Variants in CRYL1 observed in about 807,000 individuals in gnomAD.
CRYL1 encodes the protein crystallin lambda 1, also known as lambda-crystallin homolog.
CRYL1 carries 29 observed loss-of-function variants against 36.6 expected under a neutral mutation model. The observed-to-expected ratio is 0.79, with a 90% CI of 0.59 to 1.08. The LOEUF is 1.08. Ranked by LOEUF, CRYL1 falls within the 50% of genes least tolerant of loss-of-function variation. The probability of loss-of-function intolerance (pLI) is 0.00; values close to 1 mark genes in which losing one functional copy is unlikely to be tolerated. For synonymous variants in CRYL1, 152 were observed against 151.5 expected (o/e 1.00, Z -0.02); for missense variants, 411 against 407.9 (o/e 1.01, Z -0.06).
At chr13:20,514,351 G>A (rs1593501687) in intron 1 of CRYL1, among the ~76,000 whole-genome samples, 1 of 152,158 alleles carries the variant, frequency 6.6e-6, no homozygotes, top group Non-Finnish European at 1.5e-5. Flanking sequence ...TTATCCCTGT[G>A]GTCTTCCTCC....
chr13:20,437,309 A>ATT (rs5802073), intron 4 of CRYL1, among the ~76,000 whole-genome samples: 6,383 of 144,286 alleles, frequency 0.044, 397 homozygotes, highest in Admixed American at 0.15. Flanking sequence ...AGGAAGATTA[A>ATT]TTTTTTTTTT....
intron 3 of CRYL1, among the ~76,000 whole-genome samples, chr13:20,460,595 G>T (rs7998183): frequency 1.5e-5 from 2 of 137,118 alleles, no homozygotes; most frequent in African/African-American, 5.6e-5. Flanking sequence ...GCGCTATCTC[G>T]GCTCACTGCA....
intron 5 of CRYL1, chr13:20,431,491 A>G (rs1351923814): frequency 1.0e-6 from 1 of 992,818 alleles, no homozygotes; most frequent in Non-Finnish European, 1.2e-6. Flanking sequence ...CAGCTGACCT[A>G]TCTCCTCCAG....
chr13:20,439,352 T>A (rs927059604), intron 4 of CRYL1, among the ~76,000 whole-genome samples: 9 of 151,990 alleles, frequency 5.9e-5, no homozygotes, highest in Non-Finnish European at 1.0e-4. Flanking sequence ...GAATTTTGGA[T>A]AAAATTCTTT....
chr13:20,419,411 G>A (rs533707577), intron 5 of CRYL1, among the ~76,000 whole-genome samples: 3 of 152,046 alleles, frequency 2.0e-5, no homozygotes, highest in East Asian at 1.9e-4. Flanking sequence ...CTCCTGCTTC[G>A]GCCTCCAAAT....
chr13:20,509,790 C>G (rs187314594), intron 2 of CRYL1, among the ~76,000 whole-genome samples: 183 of 152,098 alleles, frequency 1.2e-3, no homozygotes, highest in African/African-American at 3.3e-3. Flanking sequence ...ATTAGCTGGG[C>G]GTAGTGGCAG....
intron 3 of CRYL1, among the ~76,000 whole-genome samples, chr13:20,465,338 C>A (rs61955481): frequency 0.27 from 41,408 of 152,088 alleles, 6,331 homozygotes; most frequent in Middle Eastern, 0.37. Context: ...CTGGGCAAGT[C>A]ACTTGACCAC....
chr13:20,514,397 A>C (rs2033966193), intron 1 of CRYL1, among the ~76,000 whole-genome samples: 1 of 152,240 alleles, frequency 6.6e-6, no homozygotes, highest in Non-Finnish European at 1.5e-5. Context: ...CATGAGAAGA[A>C]CATCGGACAA....
intron 2 of CRYL1, among the ~76,000 whole-genome samples, chr13:20,507,947 A>T (rs1193464699): frequency 6.6e-6 from 1 of 151,596 alleles, no homozygotes; most frequent in African/African-American, 2.4e-5. Flanking sequence ...AGAAAAAAAA[A>T]AGTCCATGCC....
chr13:20,455,035 A>G (rs1565969605), intron 3 of CRYL1, among the ~76,000 whole-genome samples: 1 of 152,240 alleles, frequency 6.6e-6, no homozygotes, highest in Non-Finnish European at 1.5e-5. Context: ...AAATGCCTAC[A>G]TAGAAAATCC....
intron 3 of CRYL1, among the ~76,000 whole-genome samples, chr13:20,485,445 T>C (rs531103627): frequency 9.1e-4 from 139 of 152,246 alleles, no homozygotes; most frequent in African/African-American, 3.2e-3. Context: ...GGTGGATCAC[T>C]TGAGGTCAGG....
rs2032180065 is a variant in CRYL1 at position 20,435,112 on chromosome 13, A to C, written c.439-2816T>G. Among the ~76,000 whole-genome samples, 1 of 152,186 alleles carries C rather than the reference A, an allele frequency of 6.6e-6. No homozygotes were observed. Among genetic ancestry groups the C allele is most frequent in the Non-Finnish European group, 1.5e-5 (1 of 68,036 alleles). ...TGGGTAGGAGGTTCAGTCTTATAAG[A>C]GGAGAAAGTTCCATGGATTGTTGGT... On this transcript the variant is annotated intron_variant, in intron 4 of 7. Coordinates refer to ENST00000298248, the MANE Select transcript of CRYL1 (RefSeq NM_015974.3). This position sits in a 1 kb window ranked among gnomAD's most constrained non-coding sequence, Gnocchi z 4.0.
chr13:20,466,682 CTGTG>C (rs57209647), intron 3 of CRYL1, among the ~76,000 whole-genome samples: 12 of 129,466 alleles, frequency 9.3e-5, no homozygotes, highest in African/African-American at 2.1e-4. Context: ...TTGGAAAACT[CTGTG>C]TGTGTGTGTG....
intron 3 of CRYL1, among the ~76,000 whole-genome samples, chr13:20,447,204 T>C (rs7337130): frequency 0.25 from 37,965 of 152,066 alleles, 5,339 homozygotes; most frequent in Non-Finnish European, 0.32. Context: ...CTAAGGGAAA[T>C]AATCAGGACC....
intron 3 of CRYL1, among the ~76,000 whole-genome samples, chr13:20,445,249 G>A (rs2032429399): frequency 6.6e-6 from 1 of 152,152 alleles, no homozygotes; most frequent in Non-Finnish European, 1.5e-5. Context: ...TTACCTATGA[G>A]GTAACTGTTT....
intron 3 of CRYL1, among the ~76,000 whole-genome samples, chr13:20,469,480 T>C (rs1303266353): frequency 1.3e-5 from 2 of 152,168 alleles, no homozygotes; most frequent in African/African-American, 4.8e-5. Context: ...TTCAGCTACG[T>C]GCAATCTAAT....
chr13:20,493,609 G>A (rs9506501), intron 2 of CRYL1, among the ~76,000 whole-genome samples: 42,642 of 152,044 alleles, frequency 0.28, 6,558 homozygotes, highest in Admixed American at 0.38. Flanking sequence ...TCAGTGAGCC[G>A]AGATCACGCC....
intron 6 of CRYL1, among the ~76,000 whole-genome samples, chr13:20,411,772 C>T (rs1433479923): frequency 1.3e-5 from 2 of 152,172 alleles, no homozygotes; most frequent in Admixed American, 6.5e-5. Flanking sequence ...AAAACTAACA[C>T]ACACGTGCTG....
chr13:20,448,269 G>A (rs1463373297), intron 3 of CRYL1, among the ~76,000 whole-genome samples: 1 of 152,124 alleles, frequency 6.6e-6, no homozygotes, highest in South Asian at 2.1e-4. Flanking sequence ...AGGAGACTGA[G>A]AATAATAAAC....
Sources: gnomAD v4.1 joint callset for allele counts (sites outside exome capture counted in the v4.1 genomes callset) on GRCh38, gnomAD v4.1.1 for gene constraint, Gnocchi (gnomAD v3.1) non-coding constraint, MANE v1.5 for transcripts, NCBI Gene and HGNC (gene_info 2026-07-23, HGNC 2026-07-21) for gene names.